EPHA5: variants seen among roughly 807,000 people sequenced by gnomAD.
EPHA5 encodes ephrin type-A receptor 5.
A neutral mutation model predicts 105.0 loss-of-function variants in EPHA5; 60 were observed. The ratio of observed to expected loss-of-function variants is 0.57; its 90% confidence interval spans 0.46 to 0.71. The LOEUF (loss-of-function observed/expected upper bound fraction) is 0.71. Among genes scored for constraint, EPHA5 ranks in the 30% least tolerant of loss-of-function variants. The pLI, the probability that EPHA5 is intolerant of heterozygous loss-of-function variation, is 0.00. For synonymous variants in EPHA5, 513 were observed against 449.1 expected, an observed-to-expected ratio of 1.14 and a Z score of -1.80; for missense variants, 1,218 against 1,274.7, an observed-to-expected ratio of 0.96 and a Z score of 0.68.
At position 65,576,113 on chromosome 4, in the gene EPHA5, G is replaced by GAAAAAAAGAAAAGAAAAGAAAAGAAAAGA. The variant is rs71205388; in HGVS notation, c.910+25527_910+25528insTCTTTTCTTTTCTTTTCTTTTCTTTTTTT. 6.0e-3 allele frequency among the ~76,000 whole-genome samples: 217 copies of GAAAAAAAGAAAAGAAAAGAAAAGAAAAGA among 36,110 alleles called. 6 individuals are homozygous for GAAAAAAAGAAAAGAAAAGAAAAGAAAAGA. Among genetic ancestry groups the GAAAAAAAGAAAAGAAAAGAAAAGAAAAGA allele is most frequent in the East Asian group, 0.016 (16 of 984 alleles). The allele number at this position is 36,110 out of a possible 152,430, so 23.7% of individuals were successfully genotyped here. On this transcript the variant is annotated intron_variant, in intron 3 of 16. Coordinates refer to ENST00000613740, the MANE Select transcript of EPHA5 (RefSeq NM_001281766.3). ...GAAAAGAAAAGAAAAGAAAAGAAAA[G>GAAAAAAAGAAAAGAAAAGAAAAGAAAAGA]AAAAAAGAAAAGAAAAGAAAAGAAA...
At chr4:65,373,982 A>T (rs967305878) in intron 8 of EPHA5, among the ~76,000 whole-genome samples, 30 of 151,994 alleles carry the variant, frequency 2.0e-4, no homozygotes, top group African/African-American at 7.2e-4. Flanking sequence ...CTATAAATAT[A>T]CATTGGTTTC....
chr4:65,388,129 C>T (rs1290423043), intron 8 of EPHA5, among the ~76,000 whole-genome samples: 2 of 150,210 alleles, frequency 1.3e-5, no homozygotes, highest in African/African-American at 4.9e-5. Context: ...CATCCATGTC[C>T]CTACAAAGGA....
intron 3 of EPHA5, among the ~76,000 whole-genome samples, chr4:65,571,396 G>T (rs552576740): frequency 4.6e-5 from 7 of 150,636 alleles, no homozygotes; most frequent in African/African-American, 1.7e-4. Flanking sequence ...AGATTTAATG[G>T]AGTACCACAA....
At chr4:65,441,669 G>T (rs1726026869) in intron 5 of EPHA5, among the ~76,000 whole-genome samples, 1 of 152,066 alleles carries the variant, frequency 6.6e-6, no homozygotes, top group African/African-American at 2.4e-5. Context: ...AGATATTTCT[G>T]CATTTCATTA....
intron 3 of EPHA5, among the ~76,000 whole-genome samples, chr4:65,518,688 G>T (rs1232564716): frequency 6.6e-6 from 1 of 151,998 alleles, no homozygotes; most frequent in East Asian, 1.9e-4. Flanking sequence ...AAATAGGTAA[G>T]TTGGCAAAGC....
intron 5 of EPHA5, among the ~76,000 whole-genome samples, chr4:65,450,074 A>C (rs1004270804): frequency 7.9e-5 from 12 of 152,172 alleles, no homozygotes; most frequent in Non-Finnish European, 1.6e-4. Context: ...AAAAAGAAAA[A>C]TGCAAAAGAG....
At chr4:65,581,447 CT>C (rs1741618383) in intron 3 of EPHA5, among the ~76,000 whole-genome samples, 1 of 151,636 alleles carries the variant, frequency 6.6e-6, no homozygotes. Context: ...AAAGACTAAC[CT>C]CCTGAAGTCC....
chr4:65,650,408 AAT>A (rs1394423459), intron 1 of EPHA5, among the ~76,000 whole-genome samples: 3 of 113,776 alleles, frequency 2.6e-5, no homozygotes, highest in East Asian at 5.1e-4. Context: ...AAAAAAAAAA[AAT>A]TAACCAGGGC....
Position 65,669,339 on chromosome 4 carries a change from G to A in EPHA5, c.181+223C>T, listed in dbSNP as rs560428224. The A allele has an allele frequency of 7.4e-6, 7 of 945,300 alleles. No homozygotes were observed. In the African/African-American group the frequency reaches 1.2e-4, roughly 17 times the overall value. The allele number at this position is 945,300 out of a possible 1,614,324, so 58.6% of individuals were successfully genotyped here. A position where few individuals can be genotyped will look rare whatever the true frequency, so the allele number is the denominator to read the frequency against. On this transcript the variant is annotated intron_variant, in intron 1 of 16. Coordinates refer to ENST00000613740, the MANE Select transcript of EPHA5 (RefSeq NM_001281766.3). ...CCCCCCAACCAGCCTCTGTCCACAC[G>A]CATGTTCCTTGCCCAGCACTCCGCA...
intron 1 of EPHA5, among the ~76,000 whole-genome samples, chr4:65,665,468 A>G (rs1419440118): frequency 6.6e-6 from 1 of 152,134 alleles, no homozygotes; most frequent in East Asian, 1.9e-4. Flanking sequence ...AGATACAAAA[A>G]CACATACTCT....
intron 3 of EPHA5, among the ~76,000 whole-genome samples, chr4:65,518,354 G>GAAA (rs1734309467): frequency 6.6e-6 from 1 of 151,664 alleles, no homozygotes; most frequent in African/African-American, 2.4e-5. Context: ...AATCACAAAT[G>GAAA]TATTAGCTTT....
rs369249506 is a variant in EPHA5 at position 65,341,189 on chromosome 4, T to C, written c.2596-5064A>G. 6.4e-4 allele frequency among the ~76,000 whole-genome samples: 98 copies of C among 152,274 alleles called. 1 individual carries two copies. Among genetic ancestry groups the C allele is most frequent in the African/African-American group, 2.3e-3 (94 of 41,556 alleles). ...GTCAGTCATAGCCATGCAGGCTGTT[T>C]TTAATTATCTAAATTCATCCATATT... On this transcript the variant is annotated intron_variant, in intron 14 of 16. Transcript: ENST00000613740.
chr4:65,537,074 C>G (rs1736361012), intron 3 of EPHA5, among the ~76,000 whole-genome samples: 1 of 151,722 alleles, frequency 6.6e-6, no homozygotes, highest in South Asian at 2.1e-4. Context: ...AAAATTAGAA[C>G]ATATTTCTCA....
At chr4:65,376,444 C>T (rs1719013197) in intron 8 of EPHA5, among the ~76,000 whole-genome samples, 1 of 151,986 alleles carries the variant, frequency 6.6e-6, no homozygotes, top group Non-Finnish European at 1.5e-5. Context: ...ATATTTTCTA[C>T]TTCATTGGCA....
intron 3 of EPHA5, among the ~76,000 whole-genome samples, chr4:65,558,672 T>A (rs943174351): frequency 2.6e-5 from 4 of 152,068 alleles, no homozygotes; most frequent in Non-Finnish European, 5.9e-5. Context: ...TAGGTATATC[T>A]CCTAATGCTC....
intron 3 of EPHA5, among the ~76,000 whole-genome samples, chr4:65,570,427 G>A (rs969587365): frequency 5.1e-5 from 7 of 136,954 alleles, no homozygotes; most frequent in African/African-American, 1.8e-4. Flanking sequence ...TAGTGTGATG[G>A]CCTTGGTTTT....
rs746116670 is a variant in EPHA5, at chr4:65,420,517, C to A, written c.1451G>T (p.Ser484Ile). 1 of 1,613,006 alleles carries A rather than the reference C, an allele frequency of 6.2e-7. No individual in the cohort carries two copies. The highest frequency in any genetic ancestry group is 2.2e-5 in the East Asian group (1 of 44,720). The change falls in exon 6 of 17, where the codon AGC becomes ATC. Residue 484 changes from serine to isoleucine, a missense_variant. Physicochemically the swap from Ser to Ile is moderately radical, Grantham distance 142 (BLOSUM62 -2). Transcript: ENST00000613740. ...TGGTTCTTGCCAAGACAAAGAGATG[C>A]TGTTTTTTGCAATTTTCCCTTTTTT... The part of the protein sequence containing the change: ...NVKKGKIAKN[S>I]ISLSWQEPDR...
At chr4:65,553,170 T>A in intron 3 of EPHA5, among the ~76,000 whole-genome samples, 1 of 152,110 alleles carries the variant, frequency 6.6e-6, no homozygotes, top group East Asian at 1.9e-4. Context: ...GTTGGGTTTT[T>A]GAAATCTATC....
chr4:65,549,105 A>G (rs887105661), intron 3 of EPHA5, among the ~76,000 whole-genome samples: 1 of 152,178 alleles, frequency 6.6e-6, no homozygotes, highest in African/African-American at 2.4e-5. Context: ...GCACAAAACC[A>G]AAGAGCAACA....
Sources: gnomAD v4.1 joint callset for allele counts (sites outside exome capture counted in the v4.1 genomes callset) on GRCh38, gnomAD v4.1.1 for gene constraint, MANE v1.5 for transcripts, NCBI Gene and HGNC (gene_info 2026-07-23, HGNC 2026-07-21) for gene names.